ZNF541: variants seen among roughly 807,000 people sequenced by gnomAD.
ZNF541 encodes the protein zinc finger protein 541.
Under a neutral mutation model 123.5 loss-of-function variants are expected in ZNF541, and 23 were observed. The observed-to-expected ratio is 0.19, with a 90% CI of 0.13 to 0.26. The LOEUF (loss-of-function observed/expected upper bound fraction) is 0.26, where lower values mean the gene tolerates loss of function less well. ZNF541 is among the 10% of genes least tolerant of loss of function. ZNF541 has a pLI of 1.00. For synonymous variants in ZNF541, 751 were observed against 754.5 expected (o/e 1.00, Z 0.08); for missense variants, 1,612 against 1,789.9 (o/e 0.90, Z 1.79).
chr19:47,523,825 CA>C (rs1969161557), intron 14 of ZNF541, among the ~76,000 whole-genome samples: 1 of 152,084 alleles, frequency 6.6e-6, no homozygotes, highest in Non-Finnish European at 1.5e-5. Flanking sequence ...GTAGAGCCCA[CA>C]GGACAGAGGA....
chr19:47,552,951 A>G (rs1970667395), intron 3 of ZNF541, among the ~76,000 whole-genome samples: 1 of 150,372 alleles, frequency 6.7e-6, no homozygotes, highest in Non-Finnish European at 1.5e-5. Flanking sequence ...TCTACTAAAA[A>G]TACAAAAATT....
In ZNF541 at chr19:47,529,691, G is replaced by T. The variant is rs547015041; in HGVS notation, c.3406-39C>A. 102 of 1,532,104 alleles carry T rather than the reference G, an allele frequency of 6.7e-5. No homozygotes were observed. The Admixed American group carries it at 6.7e-4, about 10-fold the overall frequency. The allele number at this position is 1,532,104 out of a possible 1,614,324, so 94.9% of individuals were successfully genotyped here. On this transcript the variant is annotated intron_variant, in intron 12 of 16. Transcript: ENST00000391901. ...AGCGACAGGCTGCCCAGGACCAGGT[G>T]GGGGAAGAGGACCACAGGCATCCTC...
At position 47,521,440 on chromosome 19, in the gene ZNF541, T is replaced by C. The variant is rs1276405775; in HGVS notation, c.3887+39A>G. On this transcript the variant is annotated intron_variant, in intron 16 of 16. Coordinates refer to ENST00000391901, the MANE Select transcript of ZNF541 (RefSeq NM_001277075.3). This position sits in a 1 kb window ranked among gnomAD's most constrained non-coding sequence, Gnocchi z 4.2. Reference sequence around the variant, plus strand: ...AGGAAGGGATCACAGGGGCTGAGGCTGGGAGCCCTGGGAGTGTTTCCAGGA... The same window carrying C: ...AGGAAGGGATCACAGGGGCTGAGGCCGGGAGCCCTGGGAGTGTTTCCAGGA... 6.4e-7 allele frequency: 1 copy of C among 1,550,498 alleles called. No homozygotes were observed. Among genetic ancestry groups the C allele is most frequent in the East Asian group, 2.4e-5 (1 of 40,878 alleles).
intron 2 of ZNF541, among the ~76,000 whole-genome samples, chr19:47,565,621 G>A (rs1971232293): frequency 6.6e-6 from 1 of 152,156 alleles, no homozygotes; most frequent in South Asian, 2.1e-4. Flanking sequence ...AAACCCAAAA[G>A]GGCCCAGAGT....
At chr19:47,547,747 G>A (rs906313100) in intron 4 of ZNF541, among the ~76,000 whole-genome samples, 2 of 152,148 alleles carry the variant, frequency 1.3e-5, no homozygotes, top group African/African-American at 4.8e-5. Context: ...TGAAAAACAT[G>A]TGTCTTTCTT....
chr19:47,562,284 C>CT (rs1971096658), intron 2 of ZNF541, among the ~76,000 whole-genome samples: 1 of 150,988 alleles, frequency 6.6e-6, no homozygotes, highest in African/African-American at 2.4e-5. Context: ...TGGCTCATGC[C>CT]TGTAACCCCT....
Position 47,545,031 on chromosome 19 carries a change from C to T in ZNF541, c.1498G>A (p.Ala500Thr). The change falls in exon 5 of 17, where the codon GCC becomes ACC. Residue 500 changes from alanine (A) to threonine (T), a missense_variant. Ala to Thr is a moderately conservative substitution (Grantham distance 58, BLOSUM62 0). Coordinates refer to ENST00000391901, the MANE Select transcript of ZNF541 (RefSeq NM_001277075.3). This position sits in a 1 kb window ranked among gnomAD's most constrained non-coding sequence, Gnocchi z 7.5. ...RSASGEDDPC[A>T]PKKVKVDCDS... Reference sequence around the variant, plus strand: ...CAGTCGACCTTGACCTTCTTGGGGGCGCAGGGGTCATCTTCCCCGCTGGCC... The same window carrying T: ...CAGTCGACCTTGACCTTCTTGGGGGTGCAGGGGTCATCTTCCCCGCTGGCC... 1 of 1,492,010 alleles carries T rather than the reference C, an allele frequency of 6.7e-7. No individual in the cohort carries two copies. Among genetic ancestry groups the T allele is most frequent in the Non-Finnish European group, 8.9e-7 (1 of 1,125,528 alleles). The allele number at this position is 1,492,010 out of a possible 1,614,324, so 92.4% of individuals were successfully genotyped here.
chr19:47,555,067 T>TAAA (rs1198309189), intron 3 of ZNF541, among the ~76,000 whole-genome samples: 1 of 124,710 alleles, frequency 8.0e-6, no homozygotes. Flanking sequence ...GTACTCTGCC[T>TAAA]AAAAAAAAAA....
At chr19:47,553,119 T>A (rs1970676046) in intron 3 of ZNF541, among the ~76,000 whole-genome samples, 2 of 151,660 alleles carry the variant, frequency 1.3e-5, no homozygotes, top group Non-Finnish European at 2.9e-5. Flanking sequence ...AAAAAATAAA[T>A]AAATAAATAA....
rs571108731 is a variant in ZNF541 at position 47,521,453 on chromosome 19, A to G, written c.3887+26T>C. The G allele has an allele frequency of 6.4e-7, 1 of 1,550,768 alleles. No homozygotes were observed. Among genetic ancestry groups the G allele is most frequent in the African/African-American group, 1.4e-5 (1 of 73,122 alleles). On this transcript the variant is annotated intron_variant, in intron 16 of 16. Coordinates refer to ENST00000391901, the MANE Select transcript of ZNF541 (RefSeq NM_001277075.3). This position sits in a 1 kb window ranked among gnomAD's most constrained non-coding sequence, Gnocchi z 4.2. ...AGGGGCTGAGGCTGGGAGCCCTGGG[A>G]GTGTTTCCAGGAGAAAGCTGGGTAC...
intron 4 of ZNF541, among the ~76,000 whole-genome samples, chr19:47,548,369 GGAGGT>G (rs1431307292): frequency 6.7e-6 from 1 of 149,750 alleles, no homozygotes; most frequent in Non-Finnish European, 1.5e-5. Context: ...CTTGAACCTG[GGAGGT>G]GAAGGTTGTA....
intron 14 of ZNF541, among the ~76,000 whole-genome samples, chr19:47,522,504 C>T (rs1298404275): frequency 6.6e-6 from 1 of 152,138 alleles, no homozygotes; most frequent in Non-Finnish European, 1.5e-5. Flanking sequence ...CTGTTAAAAA[C>T]AAAAGGGAAG....
At chr19:47,566,101 C>A (rs1160442289) in intron 2 of ZNF541, among the ~76,000 whole-genome samples, 2 of 151,850 alleles carry the variant, frequency 1.3e-5, no homozygotes, top group Non-Finnish European at 2.9e-5. Context: ...CTCTTGGACC[C>A]GGGAGGCGGA....
At chr19:47,572,267 C>G (rs747636063) in intron 1 of ZNF541, among the ~76,000 whole-genome samples, 2 of 151,848 alleles carry the variant, frequency 1.3e-5, no homozygotes, top group African/African-American at 2.4e-5. Context: ...AGAATTTTAC[C>G]GGGAGAAACT....
At chr19:47,546,004 C>T (rs1442456297) in intron 4 of ZNF541, 24 bp from the exon 5 acceptor site, 13 of 1,435,546 alleles carry the variant, frequency 9.1e-6, no homozygotes, top group South Asian at 3.0e-5. Context: ...CAAGCAGGGG[C>T]GTCACCGGGG....
intron 3 of ZNF541, among the ~76,000 whole-genome samples, chr19:47,550,331 GAGAGAA>G (rs1382134449): frequency 6.8e-6 from 1 of 147,188 alleles, no homozygotes; most frequent in Non-Finnish European, 1.5e-5. Flanking sequence ...GAAAGAGAGA[GAGAGAA>G]AGAGAAAGAA....
rs951495196 is a variant in ZNF541, at chr19:47,545,820, C to T, written c.709G>A (p.Gly237Arg). ...KEAPPEEEACGDSPHAHESAG... is the reference protein window; with the variant it reads ...KEAPPEEEACRDSPHAHESAG... ...GACTCGTGGGCGTGGGGGGAGTCCC[C>T]GCAGGCCTCTTCCTCCGGGGGGGCT... Residue 237 changes from glycine to arginine, a missense_variant, in exon 5 of 17, where the codon GGG becomes AGG. Physicochemically the swap from Gly to Arg is moderately radical, Grantham distance 125. Coordinates refer to ENST00000391901, the MANE Select transcript of ZNF541 (RefSeq NM_001277075.3). The surrounding 1 kb of genome is among the most constrained non-coding windows in gnomAD (Gnocchi z 7.5). The T allele has an allele frequency of 3.2e-6, 5 of 1,547,444 alleles. No homozygotes were observed. The African/African-American group carries it at 4.1e-5, about 13-fold the overall frequency.
At chr19:47,531,832 G>A in intron 11 of ZNF541, 87 bp from the exon 12 acceptor site, 6 of 1,214,092 alleles carry the variant, frequency 4.9e-6, no homozygotes, top group Middle Eastern at 1.9e-4. Flanking sequence ...ACAGCAGAGA[G>A]GGGGTGCCTT....
At chr19:47,529,223 G>A (rs1021204626) in intron 13 of ZNF541, among the ~76,000 whole-genome samples, 185 bp from the exon 14 acceptor site, 1 of 152,176 alleles carries the variant, frequency 6.6e-6, no homozygotes, top group African/African-American at 2.4e-5. Context: ...TAACAGATGT[G>A]GCAACTGAGG....
Sources: gnomAD v4.1 joint callset for allele counts (sites outside exome capture counted in the v4.1 genomes callset) on GRCh38, gnomAD v4.1.1 for gene constraint, Gnocchi (gnomAD v3.1) non-coding constraint, MANE v1.5 for transcripts, NCBI Gene and HGNC (gene_info 2026-07-23, HGNC 2026-07-21) for gene names.